The following SLC35F2 variants were observed in gnomAD, a reference collection of about 807,000 sequenced individuals.
SLC35F2 encodes solute carrier family 35 member F2.
SLC35F2 carries 25 observed loss-of-function variants against 38.1 expected under a neutral mutation model. The observed-to-expected ratio is 0.66, with a 90% CI of 0.48 to 0.92. The LOEUF (loss-of-function observed/expected upper bound fraction) is 0.92. Ranked by LOEUF, SLC35F2 falls within the 40% of genes least tolerant of loss-of-function variation. The pLI is 0.00. For missense variants in SLC35F2, 409 were observed against 452.9 expected (o/e 0.90, Z 0.88); for synonymous variants, 173 against 181.7 (o/e 0.95, Z 0.38).
chr11:107,794,824 G>C (rs1040360559), intron 7 of SLC35F2, among the ~76,000 whole-genome samples: 4 of 152,126 alleles, frequency 2.6e-5, no homozygotes, highest in African/African-American at 4.8e-5. Flanking sequence ...CCACAAAATA[G>C]CTCTTAGATC....
chr11:107,806,970 G>T, intron 3 of SLC35F2, 94 bp from the exon 4 acceptor site: 2 of 1,150,602 alleles, frequency 1.7e-6, no homozygotes, highest in Non-Finnish European at 1.2e-6. Context: ...TTTATAATAG[G>T]AGTCAGTATT....
chr11:107,841,546 G>A (rs750128769), intron 1 of SLC35F2, among the ~76,000 whole-genome samples: 4 of 95,310 alleles, frequency 4.2e-5, no homozygotes, highest in Non-Finnish European at 7.5e-5. Flanking sequence ...CTAGACGAAA[G>A]AGACTCCAAC....
intron 1 of SLC35F2, among the ~76,000 whole-genome samples, chr11:107,831,424 T>C (rs1859839024): frequency 1.3e-5 from 2 of 152,120 alleles, no homozygotes. Flanking sequence ...CCTCACTCAC[T>C]ATGTTGCCCA....
intron 7 of SLC35F2, among the ~76,000 whole-genome samples, chr11:107,798,757 A>G (rs1859260027): frequency 6.6e-6 from 1 of 152,166 alleles, no homozygotes; most frequent in African/African-American, 2.4e-5. Flanking sequence ...CTGGTAGTGT[A>G]TCAAGCTTAC....
At position 107,845,681 on chromosome 11, in the gene SLC35F2, G is replaced by A. The variant is rs12269753; in HGVS notation, c.110+12977C>T. Among the ~76,000 whole-genome samples the A allele has an allele frequency of 5.1e-3, 776 of 151,944 alleles. 8 individuals carry two copies. Among genetic ancestry groups the A allele is most frequent in the African/African-American group, 0.017 (722 of 41,434 alleles). On this transcript the variant is annotated intron_variant, in intron 1 of 7. Coordinates refer to ENST00000525815, the MANE Select transcript of SLC35F2 (RefSeq NM_017515.5). ...AATAACATAGGCTCTGGCTGGGCACGGTGGCTCATGCCTGTAATCCCAGCA... is the reference window on the plus strand; with the variant it reads ...AATAACATAGGCTCTGGCTGGGCACAGTGGCTCATGCCTGTAATCCCAGCA...
chr11:107,819,356 C>A (rs1226893180), intron 1 of SLC35F2, among the ~76,000 whole-genome samples: 1 of 152,216 alleles, frequency 6.6e-6, no homozygotes. Flanking sequence ...ATGTCAAGAA[C>A]TGGCCAAATC....
In SLC35F2 at chr11:107,791,542, T is replaced by G. The variant is rs1859131892; in HGVS notation, c.*1073A>C. On this transcript the variant is annotated 3_prime_UTR_variant, in exon 8 of 8. Transcript: ENST00000525815. Reference sequence around the variant, plus strand: ...CTCCGAGAGCAGAGAGAGTTTGCTCTGGGACCTGGAATGAGTGATGGAGAA... The same window carrying G: ...CTCCGAGAGCAGAGAGAGTTTGCTCGGGGACCTGGAATGAGTGATGGAGAA... 6.6e-6 allele frequency: 1 copy of G among 152,194 alleles called. No individual in the cohort carries two copies. The highest frequency in any genetic ancestry group is 1.9e-4 in the East Asian group (1 of 5,186). 9.4% of individuals were successfully genotyped at this position (152,194 alleles called of 1,614,324 possible).
At chr11:107,838,209 C>T (rs1859959744) in intron 1 of SLC35F2, among the ~76,000 whole-genome samples, 1 of 152,310 alleles carries the variant, frequency 6.6e-6, no homozygotes, top group African/African-American at 2.4e-5. Flanking sequence ...TGCAAGTACA[C>T]TACTTGCATT....
chr11:107,793,159 C>A (rs961255155), intron 7 of SLC35F2, among the ~76,000 whole-genome samples: 1 of 152,192 alleles, frequency 6.6e-6, no homozygotes, highest in Non-Finnish European at 1.5e-5. Context: ...TCAAGCAATC[C>A]GCCCGCCTCA....
At chr11:107,817,424 C>T (rs1019130924) in intron 1 of SLC35F2, among the ~76,000 whole-genome samples, 7 of 152,108 alleles carry the variant, frequency 4.6e-5, no homozygotes, top group African/African-American at 1.2e-4. Flanking sequence ...GAGAAGATGG[C>T]GTTTCAAAGA....
chr11:107,812,685 AT>A (rs1219012689), intron 2 of SLC35F2, among the ~76,000 whole-genome samples: 4 of 152,366 alleles, frequency 2.6e-5, no homozygotes, highest in East Asian at 1.9e-4. Context: ...ACTTAAAAAA[AT>A]AAAATAGTTT....
At chr11:107,808,685 G>A (rs1859434607) in intron 3 of SLC35F2, among the ~76,000 whole-genome samples, 1 of 152,148 alleles carries the variant, frequency 6.6e-6, no homozygotes, top group South Asian at 2.1e-4. Context: ...ATCATGTGTA[G>A]GAATGGGCAT....
chr11:107,852,994 C>G (rs1327784335), intron 1 of SLC35F2, among the ~76,000 whole-genome samples: 1 of 152,102 alleles, frequency 6.6e-6, no homozygotes, highest in Non-Finnish European at 1.5e-5. Context: ...TGCACTCCAG[C>G]CTAGGGCTCC....
At chr11:107,819,998 G>A (rs527425884) in intron 1 of SLC35F2, among the ~76,000 whole-genome samples, 2 of 152,122 alleles carry the variant, frequency 1.3e-5, no homozygotes, top group Non-Finnish European at 2.9e-5. Context: ...GCTCACACCT[G>A]TAATCCCAGC....
chr11:107,825,521 G>T (rs1859741988), intron 1 of SLC35F2, among the ~76,000 whole-genome samples: 1 of 151,902 alleles, frequency 6.6e-6, no homozygotes, highest in Non-Finnish European at 1.5e-5. Context: ...ACAGGCGCCT[G>T]CCACCACACA....
intron 6 of SLC35F2, chr11:107,803,417 G>A: frequency 1.0e-6 from 1 of 985,310 alleles, no homozygotes; most frequent in Admixed American, 6.1e-5. Flanking sequence ...TGCTTATGGT[G>A]TGACAGTCCA....
chr11:107,857,008 G>A (rs931609653), intron 1 of SLC35F2, among the ~76,000 whole-genome samples: 1 of 148,170 alleles, frequency 6.7e-6, no homozygotes, highest in African/African-American at 2.5e-5. Flanking sequence ...GAAGCACAGA[G>A]AAGTGACTTG....
chr11:107,810,113 G>A, intron 3 of SLC35F2: 1 of 985,448 alleles, frequency 1.0e-6, no homozygotes. Context: ...GATTTACTCA[G>A]TTGGAGAACC....
At chr11:107,812,693 G>GT (rs199601715) in intron 2 of SLC35F2, among the ~76,000 whole-genome samples, 23 of 151,696 alleles carry the variant, frequency 1.5e-4, no homozygotes, top group East Asian at 5.8e-4. Flanking sequence ...AAATAAAATA[G>GT]TTTTTTTTTA....
Sources: gnomAD v4.1 joint callset for allele counts (sites outside exome capture counted in the v4.1 genomes callset) on GRCh38, gnomAD v4.1.1 for gene constraint, MANE v1.5 for transcripts, NCBI Gene and HGNC (gene_info 2026-07-23, HGNC 2026-07-21) for gene names.